Variants in RAB9B observed in about 807,000 individuals in gnomAD.
The protein encoded by RAB9B is RAB9B, member RAS oncogene family.
In RAB9B, 1 loss-of-function variant was observed where a neutral mutation model predicts 8.9. That is an observed-to-expected ratio of 0.11 (90% CI 0.04 to 0.53). RAB9B has a LOEUF of 0.53. RAB9B is among the 20% of genes least tolerant of loss of function. RAB9B has a pLI of 0.93. For missense variants in RAB9B, 82 were observed against 152.9 expected, an observed-to-expected ratio of 0.54 and a Z score of 2.45; for synonymous variants, 63 against 57.0, an observed-to-expected ratio of 1.10 and a Z score of -0.47.
chrX:103,791,988 T>A, the RAB9B span: 1 of 111,827 alleles, frequency 8.9e-6, no homozygotes, highest in Admixed American at 9.5e-5. Context: ...CTGATATAGA[T>A]CACATAACAG....
chrX:103,818,875 T>C (rs1364389562), downstream of RAB9B, among the ~76,000 whole-genome samples: 3 of 111,620 alleles, frequency 2.7e-5, no homozygotes, highest in Non-Finnish European at 3.8e-5. Context: ...TTTTCTACGG[T>C]GGATGTGTAT....
the RAB9B span, chrX:103,786,107 C>T: frequency 8.4e-6 from 9 of 1,077,464 alleles, no homozygotes; most frequent in African/African-American, 1.5e-4. Flanking sequence ...CTCTCCTGTT[C>T]CTAGAACAAG....
At chrX:103,788,851 A>G in the RAB9B span, 2 of 306,773 alleles carry the variant, frequency 6.5e-6, no homozygotes, top group Non-Finnish European at 1.1e-5. Context: ...TGGGCTGTGC[A>G]CAGAGGCATT....
At chrX:103,796,832 G>A in the RAB9B span, among the ~76,000 whole-genome samples, 1 of 70,658 alleles carries the variant, frequency 1.4e-5, no homozygotes, top group Non-Finnish European at 2.4e-5. Flanking sequence ...GCCACAAAGC[G>A]AGACACCGCC....
the RAB9B span, among the ~76,000 whole-genome samples, chrX:103,788,120 C>T: frequency 8.9e-6 from 1 of 111,988 alleles, no homozygotes; most frequent in East Asian, 2.8e-4. Context: ...CCTACTGAAA[C>T]CAGAGAGGTT....
the RAB9B span, chrX:103,779,925 C>T: frequency 8.9e-6 from 1 of 112,597 alleles, no homozygotes; most frequent in Non-Finnish European, 1.9e-5. Context: ...CTGCCCACAG[C>T]ACTTCAGGTC....
the RAB9B span, among the ~76,000 whole-genome samples, chrX:103,781,906 A>G: frequency 2.7e-5 from 3 of 111,543 alleles, no homozygotes; most frequent in South Asian, 7.6e-4. Flanking sequence ...CTTGAATCAA[A>G]CTCACACCCT....
the RAB9B span, chrX:103,789,294 G>A: frequency 2.0e-6 from 2 of 1,019,580 alleles, no homozygotes; most frequent in Non-Finnish European, 2.8e-6. Context: ...TATTACTGCT[G>A]TTGCAAGAAA....
At chrX:103,794,453 T>C in the RAB9B span, among the ~76,000 whole-genome samples, 2 of 111,800 alleles carry the variant, frequency 1.8e-5, no homozygotes, top group African/African-American at 6.5e-5. Flanking sequence ...AGAGGGCACA[T>C]GAATCAAGAT....
chrX:103,828,694 A>G (rs761638156), intron 1 of RAB9B, among the ~76,000 whole-genome samples: 1 of 112,296 alleles, frequency 8.9e-6, no homozygotes, highest in African/African-American at 3.2e-5. Context: ...TATGGAAACC[A>G]AATGCTCAGC....
the RAB9B span, among the ~76,000 whole-genome samples, chrX:103,814,077 C>G: frequency 9.0e-6 from 1 of 111,277 alleles, no homozygotes; most frequent in South Asian, 3.8e-4. Context: ...CAGCTCTGGA[C>G]CAAGCAGACC....
chrX:103,801,701 G>A, the RAB9B span, among the ~76,000 whole-genome samples: 1 of 111,927 alleles, frequency 8.9e-6, no homozygotes, highest in Non-Finnish European at 1.9e-5. Flanking sequence ...GTTACCCAAA[G>A]TTACAGGCTG....
At chrX:103,804,170 T>G in the RAB9B span, among the ~76,000 whole-genome samples, 1 of 112,295 alleles carries the variant, frequency 8.9e-6, no homozygotes, top group Non-Finnish European at 1.9e-5. Flanking sequence ...AGTTAATTTT[T>G]GTTTATACTG....
the RAB9B span, chrX:103,781,284 G>C: frequency 1.5e-5 from 5 of 327,395 alleles, no homozygotes; most frequent in South Asian, 1.3e-4. Context: ...GATCAACACA[G>C]TCCCTTGATG....
the RAB9B span, among the ~76,000 whole-genome samples, chrX:103,793,691 C>CT: frequency 6.4e-5 from 7 of 109,559 alleles, no homozygotes; most frequent in African/African-American, 2.0e-4. Context: ...TTGGCTCTGC[C>CT]TCTGGGATGA....
chrX:103,778,460 C>T, the RAB9B span, among the ~76,000 whole-genome samples: 1 of 111,666 alleles, frequency 9.0e-6, no homozygotes, highest in South Asian at 3.8e-4. Context: ...ATCAGGAATC[C>T]TATCTAATGT....
At chrX:103,809,131 A>T in the RAB9B span, among the ~76,000 whole-genome samples, 5,411 of 110,079 alleles carry the variant, frequency 0.049, 154 homozygotes, top group Non-Finnish European at 0.081. Flanking sequence ...TTATAAGAAA[A>T]GGGAGAGACC....
chrX:103,822,104 T>G (rs1432328832), downstream of RAB9B, among the ~76,000 whole-genome samples: 1 of 111,255 alleles, frequency 9.0e-6, no homozygotes, highest in African/African-American at 3.3e-5. Context: ...GAAAGTGGTA[T>G]AAAATAAAAA....
At chrX:103,781,169 C>T in the RAB9B span, 1 of 240,934 alleles carries the variant, frequency 4.2e-6, no homozygotes, top group Non-Finnish European at 8.1e-6. Context: ...CAGATTCACA[C>T]TGAATTTCCA....
Sources: allele counts gnomAD v4.1 joint callset (sites outside exome capture counted in the v4.1 genomes callset), GRCh38; gene constraint gnomAD v4.1.1; transcripts MANE v1.5; gene names NCBI Gene and HGNC (gene_info 2026-07-23, HGNC 2026-07-21).